Variants in FBN2 observed in about 807,000 individuals in gnomAD.
FBN2 encodes fibrillin-2.
Under a neutral mutation model 355.6 loss-of-function variants are expected in FBN2, and 105 were observed. The observed-to-expected ratio is 0.30, with a 90% CI of 0.25 to 0.35. The LOEUF (loss-of-function observed/expected upper bound fraction) is 0.35. Among genes scored for constraint, FBN2 ranks in the 10% least tolerant of loss-of-function variants. The pLI, the probability that FBN2 is intolerant of heterozygous loss-of-function variation, is 1.00. For missense variants in FBN2, 3,280 were observed against 3,758.7 expected, an observed-to-expected ratio of 0.87 and a Z score of 3.33; for synonymous variants, 1,350 against 1,301.2, an observed-to-expected ratio of 1.04 and a Z score of -0.81.
chr5:128,274,780 G>A, intron 59 of FBN2, 97 bp from the exon 60 acceptor site: 1 of 811,576 alleles, frequency 1.2e-6, no homozygotes, highest in Non-Finnish European at 2.2e-6. Flanking sequence ...TCCATTAGAA[G>A]CATTTTGTCT....
At chr5:128,303,790 G>A (rs1040581386) in intron 45 of FBN2, among the ~76,000 whole-genome samples, 2 of 152,036 alleles carry the variant, frequency 1.3e-5, no homozygotes, top group Admixed American at 1.3e-4. Flanking sequence ...TGTTATGAGT[G>A]GACAGATTTT....
chr5:128,359,676 A>C (rs979020481), intron 19 of FBN2, among the ~76,000 whole-genome samples: 1 of 152,140 alleles, frequency 6.6e-6, no homozygotes, highest in Non-Finnish European at 1.5e-5. Flanking sequence ...TCTCAGATTA[A>C]GTATGCTTGT....
rs778369236 is a variant in FBN2 at position 128,333,871 on chromosome 5, ACAC to A, written c.4100-840_4100-838del. ...CACACACACACACACACACACACAC[ACAC>A]ACTACTGGCTTCACATCAACCCTGT... On this transcript the variant is annotated intron_variant, in intron 31 of 64. Coordinates refer to ENST00000262464, the MANE Select transcript of FBN2 (RefSeq NM_001999.4). 9.4e-3 allele frequency among the ~76,000 whole-genome samples: 1,117 copies of A among 118,990 alleles called. 10 individuals carry two copies. The highest frequency in any genetic ancestry group is 0.025 in the East Asian group (44 of 1,780). The allele number at this position is 118,990 out of a possible 152,430, so 78.1% of individuals were successfully genotyped here.
At chr5:128,293,083 G>C (rs942522458) in intron 48 of FBN2, among the ~76,000 whole-genome samples, 8 of 152,126 alleles carry the variant, frequency 5.3e-5, no homozygotes, top group African/African-American at 1.9e-4. Context: ...CTGAATGTAG[G>C]AATGAATTTA....
chr5:128,482,768 C>T (rs191305305), intron 5 of FBN2, among the ~76,000 whole-genome samples: 2 of 152,226 alleles, frequency 1.3e-5, no homozygotes, highest in Non-Finnish European at 2.9e-5. Context: ...TTAACCCTTA[C>T]AAAGGTATAA....
At chr5:128,528,989 G>A (rs1197572363) in intron 3 of FBN2, among the ~76,000 whole-genome samples, 3 of 152,230 alleles carry the variant, frequency 2.0e-5, no homozygotes, top group Non-Finnish European at 4.4e-5. Flanking sequence ...AAGAGAAGCA[G>A]CAGTTACTTA....
intron 5 of FBN2, among the ~76,000 whole-genome samples, chr5:128,495,668 T>C (rs935445801): frequency 2.6e-5 from 4 of 151,780 alleles, no homozygotes; most frequent in Admixed American, 1.3e-4. Context: ...ACTAATAAAA[T>C]AGAAAATAGA....
intron 6 of FBN2, among the ~76,000 whole-genome samples, chr5:128,450,116 T>G (rs935963765): frequency 6.6e-6 from 1 of 152,054 alleles, no homozygotes; most frequent in East Asian, 1.9e-4. Flanking sequence ...TTCTCTTAAC[T>G]AAAAGAATAA....
At chr5:128,490,717 T>C (rs1329775557) in intron 5 of FBN2, among the ~76,000 whole-genome samples, 2 of 152,202 alleles carry the variant, frequency 1.3e-5, no homozygotes, top group Non-Finnish European at 2.9e-5. Flanking sequence ...AGCAAAGTGT[T>C]TGGCACATGG....
At chr5:128,444,911 A>G (rs1484855240) in intron 7 of FBN2, among the ~76,000 whole-genome samples, 2 of 152,222 alleles carry the variant, frequency 1.3e-5, no homozygotes, top group Non-Finnish European at 2.9e-5. Flanking sequence ...TAGTTTAGAT[A>G]TTAGTCCAGA....
At chr5:128,326,073 T>A (rs1177909813) in intron 34 of FBN2, among the ~76,000 whole-genome samples, 1 of 152,226 alleles carries the variant, frequency 6.6e-6, no homozygotes, top group African/African-American at 2.4e-5. Flanking sequence ...TTTTGTGTTT[T>A]TCTTCCTTTC....
chr5:128,261,874 C>T lies in FBN2; in HGVS notation c.8226G>A (p.Gly2742=), dbSNP rs767683286. 1.5e-5 allele frequency: 25 copies of T among 1,614,004 alleles called. No individual in the cohort carries two copies. In the South Asian group the frequency reaches 1.8e-4, roughly 11 times the overall value. The change falls in exon 64 of 65, where the codon GGG becomes GGA. Residue 2742 remains glycine, a synonymous_variant. Coordinates refer to ENST00000262464, the MANE Select transcript of FBN2 (RefSeq NM_001999.4). ...CCTCTGTATCCAGTGACAGGTACTG[C>T]CCCTTGTTAAATCCCATTCCTGAGA... The part of the protein sequence containing the change: ...HCVSGMGFNK[G]QYLSLDTEVD...
intron 5 of FBN2, among the ~76,000 whole-genome samples, chr5:128,494,568 A>G (rs1046214041): frequency 2.0e-5 from 3 of 152,182 alleles, no homozygotes; most frequent in Non-Finnish European, 4.4e-5. Context: ...ATCAGTCAGA[A>G]ATTAGTGAGG....
intron 46 of FBN2, among the ~76,000 whole-genome samples, chr5:128,302,188 G>C (rs770472227): frequency 1.3e-5 from 2 of 152,166 alleles, no homozygotes; most frequent in Non-Finnish European, 2.9e-5. Flanking sequence ...AAATGAGGAC[G>C]TGGGGATGAG....
intron 15 of FBN2, among the ~76,000 whole-genome samples, chr5:128,373,147 A>C (rs1751988942): frequency 6.6e-6 from 1 of 152,198 alleles, no homozygotes; most frequent in East Asian, 1.9e-4. Flanking sequence ...CAAGATAATG[A>C]AATTTTATGT....
At position 128,305,088 on chromosome 5, in the gene FBN2, A is replaced by G. The variant is rs1444105315; in HGVS notation, c.5675-6T>C. 6 of 1,596,362 alleles carry G rather than the reference A, an allele frequency of 3.8e-6. No homozygotes were observed. Among genetic ancestry groups the G allele is most frequent in the Non-Finnish European group, 5.1e-6 (6 of 1,167,682 alleles). The stretch of plus-strand genomic sequence containing the variant: ...TTCTAAACATTCATTGCGATCTAAA[A>G]CAGAAAAAAATAAATGTTACATGTA... On this transcript the variant is annotated splice_region_variant and splice_polypyrimidine_tract_variant and intron_variant, in intron 44 of 64. Coordinates refer to ENST00000262464, the MANE Select transcript of FBN2 (RefSeq NM_001999.4).
At chr5:128,333,389 A>C (rs1581222436) in intron 31 of FBN2, among the ~76,000 whole-genome samples, 1 of 152,276 alleles carries the variant, frequency 6.6e-6, no homozygotes, top group East Asian at 1.9e-4. Flanking sequence ...AGATCAAGAG[A>C]AATCTTATTT....
chr5:128,441,932 T>A (rs1401352452), intron 7 of FBN2: 1 of 152,486 alleles, frequency 6.6e-6, no homozygotes, highest in Admixed American at 6.5e-5. Context: ...TTGAGAATGT[T>A]AATGGATTTA....
At chr5:128,527,614 T>A (rs1328959214) in intron 4 of FBN2, among the ~76,000 whole-genome samples, 1 of 152,148 alleles carries the variant, frequency 6.6e-6, no homozygotes, top group Non-Finnish European at 1.5e-5. Flanking sequence ...ATCTGTGAGA[T>A]GTGTCACATT....
Sources: gnomAD v4.1 joint callset for allele counts (sites outside exome capture counted in the v4.1 genomes callset) on GRCh38, gnomAD v4.1.1 for gene constraint, MANE v1.5 for transcripts, NCBI Gene and HGNC (gene_info 2026-07-23, HGNC 2026-07-21) for gene names.